TAF1: variants seen among roughly 807,000 people sequenced by gnomAD.
TAF1 encodes TATA-box binding protein associated factor 1, also known as transcription initiation factor TFIID subunit 1.
Under a neutral mutation model 138.5 loss-of-function variants are expected in TAF1, and 2 were observed. The ratio of observed to expected loss-of-function variants is 0.01; its 90% confidence interval spans 0.01 to 0.05. TAF1 has a LOEUF of 0.05. Ranked by LOEUF, TAF1 falls within the 10% of genes least tolerant of loss-of-function variation. The probability of loss-of-function intolerance (pLI) is 1.00; values close to 1 mark genes in which losing one functional copy is unlikely to be tolerated. For synonymous variants in TAF1, 437 were observed against 503.2 expected, an observed-to-expected ratio of 0.87 and a Z score of 1.76; for missense variants, 709 against 1,478.0, an observed-to-expected ratio of 0.48 and a Z score of 8.53.
intron 32 of TAF1, among the ~76,000 whole-genome samples, chrX:71,445,966 A>G (rs2037676550): frequency 2.9e-5 from 3 of 102,437 alleles, no homozygotes; most frequent in Non-Finnish European, 5.9e-5. Flanking sequence ...GTTGGAGTGT[A>G]GTGGCATGAT....
intron 32 of TAF1, among the ~76,000 whole-genome samples, chrX:71,443,177 G>A (rs1287835336): frequency 3.6e-5 from 4 of 111,872 alleles, no homozygotes; most frequent in Non-Finnish European, 7.5e-5. Flanking sequence ...CTTCGAAGTA[G>A]TTTTTTCCAA....
intron 13 of TAF1, among the ~76,000 whole-genome samples, chrX:71,483,739 CAT>C (rs2039115476): frequency 1.3e-5 from 1 of 78,328 alleles, no homozygotes; most frequent in Non-Finnish European, 2.3e-5. Flanking sequence ...ATATTGTGAA[CAT>C]CTCTCTCTCT....
chrX:71,402,187 C>A, intron 25 of TAF1, among the ~76,000 whole-genome samples: 1 of 111,839 alleles, frequency 8.9e-6, no homozygotes, highest in Non-Finnish European at 1.9e-5. Context: ...GGCTCACTGC[C>A]ACCTCTGCCT....
downstream of TAF1, among the ~76,000 whole-genome samples, chrX:71,466,736 C>T (rs751860552): frequency 4.5e-5 from 5 of 111,375 alleles, no homozygotes; most frequent in Middle Eastern, 0.014. Flanking sequence ...TCAAGCGATC[C>T]ACCTACCTTG....
At chrX:71,448,217 A>G (rs774574146) in intron 32 of TAF1, among the ~76,000 whole-genome samples, 3 of 111,452 alleles carry the variant, frequency 2.7e-5, no homozygotes, top group Non-Finnish European at 5.6e-5. Flanking sequence ...CAGCCCCCCT[A>G]CAGTAGCTTC....
At chrX:71,412,594 T>G (rs891037145) in intron 28 of TAF1, among the ~76,000 whole-genome samples, 3 of 112,277 alleles carry the variant, frequency 2.7e-5, no homozygotes, top group African/African-American at 9.7e-5. Flanking sequence ...ATTTGGGGTT[T>G]TTTTTGTTTT....
Position 71,392,681 on chromosome X carries a change from C to G in TAF1, c.2894C>G (p.Ser965Cys). ...CCCACGGGGTGTGGTGAAGGATTCT[C>G]CTATGTGAAGATTCCAAACAAACCA... The part of the protein sequence containing the change: ...ADPTGCGEGF[S>C]YVKIPNKPTQ... The change falls in exon 19 of 38, where the codon TCC (serine) becomes TGC (cysteine). Residue 965 changes from serine (S) to cysteine (C), a missense_variant. Coordinates refer to ENST00000423759, the MANE Select transcript of TAF1 (RefSeq NM_004606.5). 8.3e-7 allele frequency: 1 copy of G among 1,205,484 alleles called. No homozygotes were observed. Among genetic ancestry groups the G allele is most frequent in the East Asian group, 3.0e-5 (1 of 33,812 alleles).
At chrX:71,507,599 C>T (rs114540139) in intron 13 of TAF1, among the ~76,000 whole-genome samples, 386 of 110,573 alleles carry the variant, frequency 3.5e-3, no homozygotes, top group African/African-American at 0.012. Flanking sequence ...TGTGTGCCAC[C>T]AAGCCCAGCT....
At chrX:71,506,059 G>A (rs2039617767) in intron 13 of TAF1, among the ~76,000 whole-genome samples, 1 of 104,239 alleles carries the variant, frequency 9.6e-6, no homozygotes, top group Non-Finnish European at 2.0e-5. Flanking sequence ...AATTAGCCAA[G>A]CATGGTGGTG....
At position 71,454,731 on chromosome X, in the gene TAF1, T is replaced by C. The variant is rs1277001076; in HGVS notation, c.4822-10T>C. ...ACATGTTGAATGAATTTATTTTCTTTGTTTCTCAGTATGATGAACATTTGA... is the reference window on the plus strand; with the variant it reads ...ACATGTTGAATGAATTTATTTTCTTCGTTTCTCAGTATGATGAACATTTGA... On this transcript the variant is annotated splice_polypyrimidine_tract_variant and intron_variant, in intron 33 of 37. Coordinates refer to ENST00000423759, the MANE Select transcript of TAF1 (RefSeq NM_004606.5). The C allele has an allele frequency of 4.2e-5, 50 of 1,189,991 alleles. No individual in the cohort carries two copies. The highest frequency in any genetic ancestry group is 5.5e-5 in the Non-Finnish European group (49 of 883,550).
intron 13 of TAF1, among the ~76,000 whole-genome samples, chrX:71,477,227 C>T (rs1331789593): frequency 9.0e-6 from 1 of 111,157 alleles, no homozygotes; most frequent in African/African-American, 3.3e-5. Context: ...GCATGATCCA[C>T]TGTGCCTGGC....
chrX:71,397,182 C>A (rs2034904145), intron 22 of TAF1, 71 bp from the exon 23 acceptor site: 2 of 1,092,639 alleles, frequency 1.8e-6, no homozygotes, highest in South Asian at 3.9e-5. Context: ...GATAGCTCCA[C>A]TCAATCCCAA....
chrX:71,443,279 C>A (rs1249838851), intron 32 of TAF1, among the ~76,000 whole-genome samples: 2 of 112,125 alleles, frequency 1.8e-5, no homozygotes, highest in Non-Finnish European at 3.8e-5. Flanking sequence ...GATATTGATT[C>A]TTCCTATCCA....
At chrX:71,507,460 C>T (rs1419084472) in intron 13 of TAF1, among the ~76,000 whole-genome samples, 1 of 111,359 alleles carries the variant, frequency 9.0e-6, no homozygotes, top group Non-Finnish European at 1.9e-5. Context: ...GAACTCCTGG[C>T]CTCAAGCAAT....
At chrX:71,408,673 G>A (rs757676540) in intron 28 of TAF1, among the ~76,000 whole-genome samples, 2 of 110,552 alleles carry the variant, frequency 1.8e-5, no homozygotes, top group South Asian at 7.7e-4. Flanking sequence ...GAGTCTATTC[G>A]TTGCAATGAA....
Position 71,368,154 on chromosome X carries a change from G to A in TAF1, c.336G>A (p.Gln112=). 1 of 1,211,353 alleles carries A rather than the reference G, an allele frequency of 8.3e-7. No individual in the cohort carries two copies. The highest frequency in any genetic ancestry group is 1.8e-5 in the South Asian group (1 of 56,964). The change falls in exon 3 of 38, where the codon CAG becomes CAA. Residue 112 remains glutamine (Q), a synonymous_variant. Transcript: ENST00000423759. ...ACCAGCAGACGATGGGGAGCTTGCA[G>A]CCCCTTTGCCACTCAGGTGATTCTT... ...RRYQQTMGSL[Q]PLCHSDYDED...
At chrX:71,455,191 C>T (rs1488849425) in intron 34 of TAF1, among the ~76,000 whole-genome samples, 1 of 110,728 alleles carries the variant, frequency 9.0e-6, no homozygotes, top group Non-Finnish European at 1.9e-5. Context: ...CTAGAACATC[C>T]CTAGAGTGTA....
intron 13 of TAF1, among the ~76,000 whole-genome samples, chrX:71,512,258 T>C (rs1172364053): frequency 9.0e-6 from 1 of 111,411 alleles, no homozygotes; most frequent in Admixed American, 9.6e-5. Context: ...GAGCTTGCAG[T>C]GAGCTGAGAT....
At chrX:71,433,199 C>G (rs1436162410) in intron 32 of TAF1, among the ~76,000 whole-genome samples, 1 of 112,175 alleles carries the variant, frequency 8.9e-6, no homozygotes, top group Non-Finnish European at 1.9e-5. Context: ...AGATAGCATT[C>G]TGGGTATAGC....
Sources: allele counts gnomAD v4.1 joint callset (sites outside exome capture counted in the v4.1 genomes callset), GRCh38; gene constraint gnomAD v4.1.1; transcripts MANE v1.5; gene names NCBI Gene and HGNC (gene_info 2026-07-23, HGNC 2026-07-21).